ADH1B: variants seen among roughly 807,000 people sequenced by gnomAD.
The protein encoded by ADH1B is all-trans-retinol dehydrogenase [NAD(+)] ADH1B.
Under a neutral mutation model 34.6 loss-of-function variants are expected in ADH1B, and 29 were observed. The observed-to-expected ratio is 0.84, with a 90% CI of 0.62 to 1.14. The LOEUF (loss-of-function observed/expected upper bound fraction) is 1.14. ADH1B is among the 50% of genes most tolerant of loss of function. The pLI, the probability that ADH1B is intolerant of heterozygous loss-of-function variation, is 0.00. For missense variants in ADH1B, 424 were observed against 468.4 expected, an observed-to-expected ratio of 0.91 and a Z score of 0.87; for synonymous variants, 170 against 175.5, an observed-to-expected ratio of 0.97 and a Z score of 0.25.
chr4:99,312,399 C>T (rs1483090787), intron 6 of ADH1B, among the ~76,000 whole-genome samples: 1 of 152,122 alleles, frequency 6.6e-6, no homozygotes, highest in Non-Finnish European at 1.5e-5. Context: ...ATTCTCTTGA[C>T]ATTTTATTCC....
rs941484405 is a variant in ADH1B, at chr4:99,306,572, A to C, written c.*1268T>G. 2 of 152,200 alleles carry C rather than the reference A, an allele frequency of 1.3e-5. No homozygotes were observed. Among genetic ancestry groups the C allele is most frequent in the Admixed American group, 1.3e-4 (2 of 15,284 alleles). The allele number at this position is 152,200 out of a possible 1,614,324, so 9.4% of individuals were successfully genotyped here. ...TGAAATAGAATGTAGATATTGCAACAATAGCATTTTTGGAGACAGCTACCT... is the reference window on the plus strand; with the variant it reads ...TGAAATAGAATGTAGATATTGCAACCATAGCATTTTTGGAGACAGCTACCT... On this transcript the variant is annotated 3_prime_UTR_variant, in exon 9 of 9. Transcript: ENST00000305046.
At chr4:99,319,503 T>C (rs1733971723) in intron 1 of ADH1B, 1 of 159,786 alleles carries the variant, frequency 6.3e-6, no homozygotes, top group Non-Finnish European at 1.4e-5. Context: ...CTAATTTATG[T>C]GTAGAGACTT....
chr4:99,313,037 T>A (rs1475652263), intron 6 of ADH1B, among the ~76,000 whole-genome samples: 1 of 151,764 alleles, frequency 6.6e-6, no homozygotes, highest in African/African-American at 2.4e-5. Flanking sequence ...TTTTTCTTTT[T>A]TTTTTTTGAG....
In ADH1B at chr4:99,307,720, G is replaced by T; in HGVS notation, c.*120C>A. ...TTCCATTTCTTTGGAAAGCCCCCAT[G>T]TGTAATTTATTGATAACATCTCTGA... On this transcript the variant is annotated 3_prime_UTR_variant, in exon 9 of 9. Coordinates refer to ENST00000305046, the MANE Select transcript of ADH1B (RefSeq NM_000668.6). 8.4e-7 allele frequency: 1 copy of T among 1,187,506 alleles called. No homozygotes were observed. Among genetic ancestry groups the T allele is most frequent in the Non-Finnish European group, 1.2e-6 (1 of 822,156 alleles). The allele number at this position is 1,187,506 out of a possible 1,614,324, so 73.6% of individuals were successfully genotyped here. A position where few individuals can be genotyped will look rare whatever the true frequency, so the allele number is the denominator to read the frequency against.
chr4:99,319,782 A>C (rs1323265877), intron 1 of ADH1B: 1 of 152,212 alleles, frequency 6.6e-6, no homozygotes, highest in Non-Finnish European at 1.5e-5. Context: ...CTTTCTAGAA[A>C]GAACCAACAT....
Position 99,317,229 on chromosome 4 carries a change from T to G in ADH1B, c.259+817A>C, listed in dbSNP as rs1050133543. The G allele has an allele frequency of 2.6e-5, 4 of 152,202 alleles. No individual in the cohort carries two copies. In the East Asian group the frequency reaches 5.8e-4, roughly 22 times the overall value. The allele number at this position is 152,202 out of a possible 1,614,324, so 9.4% of individuals were successfully genotyped here. A position where few individuals can be genotyped will look rare whatever the true frequency, so the allele number is the denominator to read the frequency against. On this transcript the variant is annotated intron_variant, in intron 3 of 8. Coordinates refer to ENST00000305046, the MANE Select transcript of ADH1B (RefSeq NM_000668.6). ...ATTTCTAATCACCTATGCTATACAT[T>G]CCACATGATCAAGAAAAATTGTTGG...
In ADH1B at chr4:99,310,885, C is replaced by A; in HGVS notation, c.983G>T (p.Gly328Val). Residue 328 changes from glycine (G) to valine (V), a missense_variant, in exon 8 of 9, where the codon GGT becomes GTT. Physicochemically the swap from Gly to Val is moderately radical, Grantham distance 109. Coordinates refer to ENST00000305046, the MANE Select transcript of ADH1B (RefSeq NM_000668.6). ...AAAATCAGCCACAAGTTTTGGGATACCTTCTTTACTCTTAAAGCCTGAAAA... is the reference window on the plus strand; with the variant it reads ...AAAATCAGCCACAAGTTTTGGGATAACTTCTTTACTCTTAAAGCCTGAAAA... ...AVYGGFKSKEGIPKLVADFMA... is the reference protein window; with the variant it reads ...AVYGGFKSKEVIPKLVADFMA... 1 of 1,613,364 alleles carries A rather than the reference C, an allele frequency of 6.2e-7. No homozygotes were observed. The highest frequency in any genetic ancestry group is 8.5e-7 in the Non-Finnish European group (1 of 1,179,636).
intron 8 of ADH1B, among the ~76,000 whole-genome samples, chr4:99,308,485 C>G (rs1287394858): frequency 6.6e-6 from 1 of 151,298 alleles, no homozygotes; most frequent in Non-Finnish European, 1.5e-5. Flanking sequence ...GTTTAAAAGA[C>G]CTTTGATACG....
At chr4:99,311,689 G>A (rs28914778) in intron 6 of ADH1B, 33 bp from the exon 7 acceptor site, 13 of 1,610,836 alleles carry the variant, frequency 8.1e-6, no homozygotes, top group South Asian at 5.5e-5. Context: ...CATCCTTAAC[G>A]TGGAGTCGCA....
In ADH1B at chr4:99,318,124, G is replaced by A. The variant is rs1461065919; in HGVS notation, c.181C>T (p.Pro61Ser). ...TCATGGCCTAAAATCACAGGAAGGG[G>A]GGTCACCAGGTTGCCACTAACCACG... ...DHVVSGNLVT[P>S]LPVILGHEAA... The change falls in exon 3 of 9, where the codon CCC becomes TCC. Residue 61 changes from proline (P) to serine (S), a missense_variant. Pro to Ser is a moderately conservative substitution (Grantham distance 74). Coordinates refer to ENST00000305046, the MANE Select transcript of ADH1B (RefSeq NM_000668.6). 5 of 1,613,878 alleles carry A rather than the reference G, an allele frequency of 3.1e-6. No individual in the cohort carries two copies. The highest frequency in any genetic ancestry group is 2.2e-5 in the South Asian group (2 of 91,072).
chr4:99,320,159 A>G (rs1450494161), intron 1 of ADH1B: 2 of 152,162 alleles, frequency 1.3e-5, no homozygotes, highest in Admixed American at 6.5e-5. Flanking sequence ...CAAGCAGTGT[A>G]GACTGAACCC....
chr4:99,308,422 G>C (rs1258400026), intron 8 of ADH1B, among the ~76,000 whole-genome samples: 1 of 149,930 alleles, frequency 6.7e-6, no homozygotes, highest in Non-Finnish European at 1.5e-5. Context: ...TAAGATGATG[G>C]ATAACTTGCC....
rs2110626201 is a variant in ADH1B at position 99,306,449 on chromosome 4, A to G, written c.*1391T>C. Reference sequence around the variant, plus strand: ...GGATTGGTTGAGTAATTTTTTCAAAACAAAGGATGAACAAGCTCAGAGAGC... The same window carrying G: ...GGATTGGTTGAGTAATTTTTTCAAAGCAAAGGATGAACAAGCTCAGAGAGC... On this transcript the variant is annotated 3_prime_UTR_variant, in exon 9 of 9. Coordinates refer to ENST00000305046, the MANE Select transcript of ADH1B (RefSeq NM_000668.6). The G allele has an allele frequency of 6.6e-6, 1 of 152,350 alleles. No individual in the cohort carries two copies. The highest frequency in any genetic ancestry group is 2.1e-4 in the South Asian group (1 of 4,830). 9.4% of individuals were successfully genotyped at this position (152,350 alleles called of 1,614,324 possible).
chr4:99,316,122 G>A lies in ADH1B; in HGVS notation c.348-5C>T. 3 of 1,614,148 alleles carry A rather than the reference G, an allele frequency of 1.9e-6. No individual in the cohort carries two copies. Among genetic ancestry groups the A allele is most frequent in the Non-Finnish European group, 2.5e-6 (3 of 1,180,018 alleles). On this transcript the variant is annotated splice_region_variant and splice_polypyrimidine_tract_variant and intron_variant, in intron 4 of 8. Coordinates refer to ENST00000305046, the MANE Select transcript of ADH1B (RefSeq NM_000668.6). ...GTCCCCCGAGGATTGCCTAGACTGG[G>A]CAGTGCAATACACAGACACACAAAG...
chr4:99,318,264 G>T, intron 2 of ADH1B, 80 bp from the exon 3 acceptor site: 2 of 1,570,498 alleles, frequency 1.3e-6, no homozygotes, highest in Non-Finnish European at 1.7e-6. Context: ...TCCTGAAATT[G>T]TGTTTCTAAA....
At position 99,318,128 on chromosome 4, in the gene ADH1B, C is replaced by CA. The variant is rs1306310443; in HGVS notation, c.176dup (p.Thr60AspfsTer10). ...GGCCTAAAATCACAGGAAGGGGGGT[C>CA]ACCAGGTTGCCACTAACCACGTGGT... On this transcript the variant is annotated frameshift_variant, in exon 3 of 9. Coordinates refer to ENST00000305046, the MANE Select transcript of ADH1B (RefSeq NM_000668.6). LOFTEE classifies it high-confidence loss of function. 6.2e-7 allele frequency: 1 copy of CA among 1,614,112 alleles called. No individual in the cohort carries two copies. Among genetic ancestry groups the CA allele is most frequent in the Admixed American group, 1.7e-5 (1 of 60,006 alleles).
At position 99,305,561 on chromosome 4, in the gene ADH1B, G is replaced by GTA. The variant is rs56951572; in HGVS notation, c.*2277_*2278dup. On this transcript the variant is annotated 3_prime_UTR_variant, in exon 9 of 9. Coordinates refer to ENST00000305046, the MANE Select transcript of ADH1B (RefSeq NM_000668.6). ...CTATATGAACCACTTGCCCCATAGT[G>GTA]TATATATATATATATATATATATAT... 2.8e-4 allele frequency: 14 copies of GTA among 49,392 alleles called. 1 individual carries two copies. Among genetic ancestry groups the GTA allele is most frequent in the South Asian group, 8.3e-4 (1 of 1,210 alleles). The allele number at this position is 49,392 out of a possible 1,614,324, so 3.1% of individuals were successfully genotyped here.
chr4:99,305,413 ACT>A lies in ADH1B; in HGVS notation c.*2425_*2426del, dbSNP rs1733580581. 1.4e-5 allele frequency: 2 copies of A among 147,690 alleles called. 1 individual carries two copies. The highest frequency in any genetic ancestry group is 5.0e-5 in the African/African-American group (2 of 39,806). The allele number at this position is 147,690 out of a possible 1,614,324, so 9.1% of individuals were successfully genotyped here. On this transcript the variant is annotated 3_prime_UTR_variant, in exon 9 of 9. Coordinates refer to ENST00000305046, the MANE Select transcript of ADH1B (RefSeq NM_000668.6). ...CCCTGTCTTCAGTCCTGTGTCTGTC[ACT>A]CTCATAATCCTGTTTCAGCACCTAT...
chr4:99,311,272 A>G (rs549968522), intron 7 of ADH1B, among the ~76,000 whole-genome samples: 2 of 152,300 alleles, frequency 1.3e-5, no homozygotes, highest in South Asian at 4.1e-4. Flanking sequence ...ACAAAAACAG[A>G]TGGAGATTAA....
Sources: allele counts gnomAD v4.1 joint callset (sites outside exome capture counted in the v4.1 genomes callset), GRCh38; gene constraint gnomAD v4.1.1; transcripts MANE v1.5; gene names NCBI Gene and HGNC (gene_info 2026-07-23, HGNC 2026-07-21).